LAMA3: variants seen among roughly 807,000 people sequenced by gnomAD.
LAMA3 encodes the protein laminin subunit alpha-3.
LAMA3 carries 281 observed loss-of-function variants against 402.0 expected under a neutral mutation model. The ratio of observed to expected loss-of-function variants is 0.70; its 90% CI spans 0.63 to 0.77. The LOEUF (loss-of-function observed/expected upper bound fraction) is 0.77, where lower values mean the gene tolerates loss of function less well. Among genes scored for constraint, LAMA3 ranks in the 30% least tolerant of loss-of-function variants. The pLI is 0.00. For missense variants in LAMA3, 3,840 were observed against 4,215.5 expected, an observed-to-expected ratio of 0.91 and a Z score of 2.47; for synonymous variants, 1,431 against 1,558.4, an observed-to-expected ratio of 0.92 and a Z score of 1.93.
At position 23,777,628 on chromosome 18, in the gene LAMA3, C is replaced by T. The variant is rs1409113287; in HGVS notation, c.1468+9C>T. On this transcript the variant is annotated intron_variant, in intron 11 of 74. Transcript: ENST00000313654. ...AGCTGGAGATATAAAAGGCAAGTAA[C>T]CTCCCTTTTGGTTTAACTCCAGTGA... The T allele has an allele frequency of 1.2e-6, 2 of 1,601,864 alleles. No individual in the cohort carries two copies. Among genetic ancestry groups the T allele is most frequent in the South Asian group, 1.1e-5 (1 of 90,798 alleles).
chr18:23,822,693 G>T (rs1406152829), intron 20 of LAMA3, among the ~76,000 whole-genome samples: 1 of 152,236 alleles, frequency 6.6e-6, no homozygotes, highest in East Asian at 1.9e-4. Context: ...AGTGACGAGG[G>T]TGTCACTTTT....
intron 1 of LAMA3, among the ~76,000 whole-genome samples, chr18:23,695,633 C>T (rs774292641): frequency 1.3e-5 from 2 of 150,776 alleles, no homozygotes; most frequent in African/African-American, 2.4e-5. Flanking sequence ...ACCAGCCTGG[C>T]CAAATAAAAA....
Position 23,755,969 on chromosome 18 carries a change from T to G in LAMA3, c.947+2157T>G, listed in dbSNP as rs142268690. Among the ~76,000 whole-genome samples the G allele has an allele frequency of 8.2e-3, 1,246 of 152,284 alleles. 54 individuals are homozygous for G. Among genetic ancestry groups the G allele is most frequent in the Admixed American group, 0.078 (1,186 of 15,290 alleles). The stretch of plus-strand genomic sequence containing the variant: ...ACTCAGATGGGTACCCAGCTCCTTT[T>G]TTTGCTATGCTCAATTTTAATCCCC... On this transcript the variant is annotated intron_variant, in intron 6 of 74. Coordinates refer to ENST00000313654, the MANE Select transcript of LAMA3 (RefSeq NM_198129.4).
chr18:23,735,438 C>T (rs1011314245), intron 2 of LAMA3, among the ~76,000 whole-genome samples: 12 of 152,082 alleles, frequency 7.9e-5, no homozygotes, highest in African/African-American at 1.9e-4. Flanking sequence ...GCTGCTCATA[C>T]GTCTTCGTTC....
rs569436994 is a variant in LAMA3 at position 23,909,183 on chromosome 18, T to C, written c.7046T>C (p.Leu2349Pro). Reference protein sequence around the residue: ...VNKLTNKLPDLWRKIESINQQ... With the variant: ...VNKLTNKLPDPWRKIESINQQ... ...AAGTTAACCAACAAACTACCTGATC[T>C]TTGGCGCAAGATTGAAAGTATCAAC... Residue 2349 changes from leucine to proline, a missense_variant, in exon 55 of 75, where the codon CTT becomes CCT. Physicochemically the swap from Leu to Pro is moderately conservative, Grantham distance 98 (BLOSUM62 -3). This residue lies in a region of LAMA3 where 891 missense variants were observed against 857.5 expected (regional missense o/e 1.04). Coordinates refer to ENST00000313654, the MANE Select transcript of LAMA3 (RefSeq NM_198129.4). 1.9e-6 allele frequency: 3 copies of C among 1,614,092 alleles called. No homozygotes were observed. Among genetic ancestry groups the C allele is most frequent in the African/African-American group, 1.3e-5 (1 of 75,040 alleles).
At chr18:23,768,220 A>G (rs1170013253) in intron 8 of LAMA3, among the ~76,000 whole-genome samples, 2 of 152,172 alleles carry the variant, frequency 1.3e-5, no homozygotes, top group Non-Finnish European at 2.9e-5. Context: ...AGTGGGAGAA[A>G]ATATTTGCAA....
intron 1 of LAMA3, among the ~76,000 whole-genome samples, chr18:23,690,203 T>C (rs1445715235): frequency 1.3e-5 from 2 of 152,018 alleles, no homozygotes; most frequent in African/African-American, 2.4e-5. Flanking sequence ...GCACGCGAGG[T>C]GACATGAGGC....
At position 23,907,783 on chromosome 18, in the gene LAMA3, C is replaced by T. The variant is rs766167839; in HGVS notation, c.6863C>T (p.Ala2288Val). 1.4e-5 allele frequency: 22 copies of T among 1,614,038 alleles called. No homozygotes were observed. The highest frequency in any genetic ancestry group is 1.9e-5 in the Non-Finnish European group (22 of 1,180,038). ...GATATTGATGCTATGATCAGTAGTG[C>T]AAAGAGCATGGTCAGAAAGGCCAAC... ...RGDIDAMISS[A>V]KSMVRKANDI... The change falls in exon 54 of 75, where the codon GCA becomes GTA. Residue 2288 changes from alanine to valine, a missense_variant. By Grantham distance (64) the Ala-to-Val change is moderately conservative. Transcript: ENST00000313654.
At chr18:23,921,949 C>T (rs1474699181) in intron 62 of LAMA3, among the ~76,000 whole-genome samples, 1 of 152,178 alleles carries the variant, frequency 6.6e-6, no homozygotes, top group Non-Finnish European at 1.5e-5. Flanking sequence ...GACAGACATC[C>T]CTGGGGAACT....
chr18:23,790,544 A>T (rs887111340), intron 12 of LAMA3, among the ~76,000 whole-genome samples: 23 of 152,198 alleles, frequency 1.5e-4, no homozygotes, highest in Admixed American at 1.1e-3. Flanking sequence ...TATGGGAAGT[A>T]GTTTGCCACT....
intron 74 of LAMA3, among the ~76,000 whole-genome samples, chr18:23,954,112 C>T (rs1006481300): frequency 3.3e-5 from 5 of 152,064 alleles, no homozygotes; most frequent in African/African-American, 1.2e-4. Context: ...TCCACTAAGA[C>T]TATCTTTTGC....
rs557246191 is a variant in LAMA3, at chr18:23,879,237, C to T, written c.5113-2699C>T. Among the ~76,000 whole-genome samples, 33 of 152,232 alleles carry T rather than the reference C, an allele frequency of 2.2e-4. No individual in the cohort carries two copies. The highest frequency in any genetic ancestry group is 4.4e-4 in the Non-Finnish European group (30 of 68,044). On this transcript the variant is annotated intron_variant, in intron 39 of 74. Coordinates refer to ENST00000313654, the MANE Select transcript of LAMA3 (RefSeq NM_198129.4). This position sits in a 1 kb window ranked among gnomAD's most constrained non-coding sequence, Gnocchi z 4.2. ...ACGACCCTTAGCACAGTACTGGGGGCTCTTTCTAGCTGCATCCCGCCCCCT... is the reference window on the plus strand; with the variant it reads ...ACGACCCTTAGCACAGTACTGGGGGTTCTTTCTAGCTGCATCCCGCCCCCT...
rs1598883560 is a variant in LAMA3 at position 23,833,870 on chromosome 18, T to C, written c.2866T>C (p.Tyr956His). 6.2e-7 allele frequency: 1 copy of C among 1,613,984 alleles called. No individual in the cohort carries two copies. Among genetic ancestry groups the C allele is most frequent in the East Asian group, 2.2e-5 (1 of 44,892 alleles). The change falls in exon 24 of 75, where the codon TAC (tyrosine) becomes CAC (histidine). Residue 956 changes from tyrosine to histidine, a missense_variant. By Grantham distance (83) the Tyr-to-His change is moderately conservative. Around this residue, in one of 3 missense-constraint regions of LAMA3, gnomAD observed 2,109 missense variants for 2,376.0 expected, o/e 0.89. Transcript: ENST00000313654. ...GCTGCGCATCCCACAGGTTGGCCACTACGTGGTTGTGGTCGAGTATTCCAC... is the reference window on the plus strand; with the variant it reads ...GCTGCGCATCCCACAGGTTGGCCACCACGTGGTTGTGGTCGAGTATTCCAC... Reference protein sequence around the residue: ...LRLRIPQVGHYVVVVEYSTEA... With the variant: ...LRLRIPQVGHHVVVVEYSTEA...
intron 32 of LAMA3, among the ~76,000 whole-genome samples, chr18:23,849,612 G>A (rs2063899061): frequency 6.6e-6 from 1 of 152,172 alleles, no homozygotes; most frequent in African/African-American, 2.4e-5. Flanking sequence ...AGAAGGTGAT[G>A]GATGGATTTA....
chr18:23,929,265 A>G (rs188185673), intron 64 of LAMA3, among the ~76,000 whole-genome samples: 25 of 152,362 alleles, frequency 1.6e-4, no homozygotes, highest in Admixed American at 1.6e-3. Context: ...CATGTACAAC[A>G]GAGCCACATA....
intron 36 of LAMA3, 57 bp from the exon 37 acceptor site, chr18:23,867,777 T>C (rs1275213636): frequency 1.5e-6 from 2 of 1,326,534 alleles, no homozygotes; most frequent in Non-Finnish European, 2.2e-6. Context: ...AGATCAGTTA[T>C]AAATCTTGAA....
intron 12 of LAMA3, among the ~76,000 whole-genome samples, chr18:23,798,548 C>A (rs1285016282): frequency 6.6e-6 from 1 of 152,144 alleles, no homozygotes; most frequent in Non-Finnish European, 1.5e-5. Flanking sequence ...GGGAGAAGCT[C>A]CCAGCCTTTC....
chr18:23,735,065 T>A (rs1344942513), intron 2 of LAMA3, among the ~76,000 whole-genome samples: 1 of 152,220 alleles, frequency 6.6e-6, no homozygotes, highest in Non-Finnish European at 1.5e-5. Context: ...TAAAGAATAA[T>A]CTCAAGTACT....
At chr18:23,746,806 T>G (rs1304711837) in intron 2 of LAMA3, among the ~76,000 whole-genome samples, 2 of 152,028 alleles carry the variant, frequency 1.3e-5, no homozygotes, top group Admixed American at 1.3e-4. Flanking sequence ...CCAAAAAGTT[T>G]GAGTCTCATT....
Sources: gnomAD v4.1 joint callset for allele counts (sites outside exome capture counted in the v4.1 genomes callset) on GRCh38, gnomAD v4.1.1 for gene constraint, gnomAD v4.1.1 regional missense constraint, Gnocchi (gnomAD v3.1) non-coding constraint, MANE v1.5 for transcripts, NCBI Gene and HGNC (gene_info 2026-07-23, HGNC 2026-07-21) for gene names.